The following FARP1 variants were observed in gnomAD, a reference collection of about 807,000 sequenced individuals.
FARP1 encodes FERM, ARH/RhoGEF and pleckstrin domain protein 1.
FARP1 carries 52 observed loss-of-function variants against 128.8 expected under a neutral mutation model. The observed-to-expected ratio is 0.40, with a 90% confidence interval of 0.32 to 0.51. The LOEUF (loss-of-function observed/expected upper bound fraction) is 0.51, where lower values mean the gene tolerates loss of function less well. Among genes scored for constraint, FARP1 ranks in the 20% least tolerant of loss-of-function variants. FARP1 has a pLI of 0.45. For missense variants in FARP1, 1,333 were observed against 1,367.9 expected (o/e 0.97, Z 0.40); for synonymous variants, 580 against 551.8 (o/e 1.05, Z -0.72).
chr13:98,171,079 ATAAGCTATTC>A (rs1283167305), intron 1 of FARP1, among the ~76,000 whole-genome samples: 1 of 152,216 alleles, frequency 6.6e-6, no homozygotes, highest in Non-Finnish European at 1.5e-5. Flanking sequence ...ATAAACCTGG[ATAAGCTATTC>A]TGGAAGCAGG....
chr13:98,363,052 C>T (rs1477047322), intron 3 of FARP1, among the ~76,000 whole-genome samples: 1 of 152,244 alleles, frequency 6.6e-6, no homozygotes, highest in African/African-American at 2.4e-5. Flanking sequence ...CTTGCTCCTT[C>T]TAACCTGTTC....
intron 19 of FARP1, among the ~76,000 whole-genome samples, chr13:98,437,576 G>A (rs1337440823): frequency 4.6e-5 from 7 of 152,196 alleles, no homozygotes; most frequent in Admixed American, 4.6e-4. Flanking sequence ...GGAGGGCTTC[G>A]TGCAGGGTGA....
chr13:98,149,707 G>A lies in FARP1; in HGVS notation c.-24+6215G>A, dbSNP rs1875837029. ...ATTGACCATTTATATATCTTCTTTT[G>A]TGAGTGTCTGTTAGATATTTACTTT... is the stretch of plus-strand genomic sequence containing the variant. On this transcript the variant is annotated intron_variant, in intron 1 of 26. Transcript: ENST00000319562. 6.8e-5 allele frequency among the ~76,000 whole-genome samples: 9 copies of A among 131,496 alleles called. No homozygotes were observed. In the South Asian group the frequency reaches 2.3e-3, roughly 34 times the overall value. 86.3% of individuals were successfully genotyped at this position (131,496 alleles called of 152,430 possible).
At chr13:98,155,527 CTTAT>C (rs1876443232) in intron 1 of FARP1, among the ~76,000 whole-genome samples, 1 of 151,794 alleles carries the variant, frequency 6.6e-6, no homozygotes, top group Non-Finnish European at 1.5e-5. Flanking sequence ...TTTAATTTTA[CTTAT>C]TTATTTTTGA....
At chr13:98,208,210 G>A (rs1880412806) in intron 1 of FARP1, among the ~76,000 whole-genome samples, 1 of 151,910 alleles carries the variant, frequency 6.6e-6, no homozygotes, top group Non-Finnish European at 1.5e-5. Context: ...AAAAGAAGGG[G>A]CCAGCGTGGT....
intron 2 of FARP1, among the ~76,000 whole-genome samples, chr13:98,324,390 T>A (rs1366622830): frequency 6.6e-6 from 1 of 152,186 alleles, no homozygotes; most frequent in Non-Finnish European, 1.5e-5. Context: ...ATCTATTTTG[T>A]ATTGGGTAAC....
chr13:98,248,753 C>T (rs572525586), intron 2 of FARP1, among the ~76,000 whole-genome samples: 93 of 151,796 alleles, frequency 6.1e-4, no homozygotes, highest in South Asian at 1.9e-3. Flanking sequence ...TCAGCTCTCG[C>T]GCTGGAAACA....
rs1471743361 is a variant in FARP1 at position 98,289,577 on chromosome 13, A to G, written c.172-54185A>G. Among the ~76,000 whole-genome samples, 4 of 152,188 alleles carry G rather than the reference A, an allele frequency of 2.6e-5. No individual in the cohort carries two copies. The East Asian group carries it at 5.8e-4, about 22-fold the overall frequency. On this transcript the variant is annotated intron_variant, in intron 2 of 26. Transcript: ENST00000319562. ...GCTTGACTACGTCTAGATCTCATGC[A>G]AGGCATCCGGGCCAGCCATGAAGGA... is the stretch of plus-strand genomic sequence containing the variant.
chr13:98,359,905 A>G (rs1888794916), intron 3 of FARP1, among the ~76,000 whole-genome samples: 1 of 152,154 alleles, frequency 6.6e-6, no homozygotes, highest in Admixed American at 6.5e-5. Context: ...TCAGAGACAA[A>G]TCGGATTGGA....
intron 6 of FARP1, among the ~76,000 whole-genome samples, chr13:98,382,071 A>T (rs574577582): frequency 4.2e-4 from 64 of 152,134 alleles, no homozygotes; most frequent in African/African-American, 1.5e-3. Flanking sequence ...CAAAATAAAA[A>T]AAAAAAATAG....
Position 98,388,389 on chromosome 13 carries a change from A to G in FARP1, c.766A>G (p.Thr256Ala), listed in dbSNP as rs146232402. The change falls in exon 9 of 27, where the codon ACT becomes GCT. Residue 256 changes from threonine to alanine, a missense_variant. Around this residue, in one of 2 missense-constraint regions of FARP1, gnomAD observed 324 missense variants for 398.1 expected, o/e 0.81. Coordinates refer to ENST00000319562, the MANE Select transcript of FARP1 (RefSeq NM_005766.4). ...CTACTGTCTTTCTTTTTAGGGTTTC[A>G]CTAAGATCAATGCCTTCAACTGGGC... ...NTGILVFQGF[T>A]KINAFNWAKV... 70 of 1,613,238 alleles carry G rather than the reference A, an allele frequency of 4.3e-5. No homozygotes were observed. Among genetic ancestry groups the G allele is most frequent in the Middle Eastern group, 3.3e-4 (2 of 6,062 alleles).
chr13:98,277,149 C>CACACACACACACACACACACACA (rs1566824323), intron 2 of FARP1, among the ~76,000 whole-genome samples: 47 of 113,244 alleles, frequency 4.2e-4, no homozygotes, highest in South Asian at 9.4e-4. Flanking sequence ...CACACACACA[C>CACACACACACACACACACACACA]CCCATATGTA....
chr13:98,328,282 A>T (rs367774488), intron 2 of FARP1: 2 of 152,332 alleles, frequency 1.3e-5, no homozygotes, highest in South Asian at 2.1e-4. Context: ...AACCAGGCTC[A>T]TCAGACCTCC....
intron 3 of FARP1, among the ~76,000 whole-genome samples, chr13:98,352,410 T>C (rs1054757027): frequency 1.3e-5 from 2 of 152,068 alleles, no homozygotes; most frequent in South Asian, 4.1e-4. Context: ...AGACGGGCCA[T>C]CACTCAAGAG....
At chr13:98,337,031 G>C (rs1772454107) in intron 2 of FARP1, among the ~76,000 whole-genome samples, 1 of 152,084 alleles carries the variant, frequency 6.6e-6, no homozygotes, top group Non-Finnish European at 1.5e-5. Context: ...GCCTTAGAGA[G>C]ATCTACCCCC....
chr13:98,146,198 G>T lies in FARP1; in HGVS notation c.-24+2706G>T, dbSNP rs191106580. 8.4e-4 allele frequency among the ~76,000 whole-genome samples: 128 copies of T among 151,974 alleles called. 1 individual carries two copies. The highest frequency in any genetic ancestry group is 8.1e-3 in the Admixed American group (123 of 15,254). ...ATTGTGATTTTCCCAGAGGATAAGA[G>T]AAATTCTGTGGATTTGTAAGTACTG... On this transcript the variant is annotated intron_variant, in intron 1 of 26. Transcript: ENST00000319562.
At chr13:98,373,533 G>GACAGACACACACACACAC (rs1349451618) in intron 5 of FARP1, among the ~76,000 whole-genome samples, 121 of 131,068 alleles carry the variant, frequency 9.2e-4, no homozygotes, top group African/African-American at 2.2e-3. Flanking sequence ...CAGACAGACA[G>GACAGACACACACACACAC]ACACACACAC....
In FARP1 at chr13:98,218,044, C is replaced by T. The variant is rs563376220; in HGVS notation, c.171+4631C>T. On this transcript the variant is annotated intron_variant, in intron 2 of 26. Transcript: ENST00000319562. ...TACCCATCTTCTGGGCACTAAGAGC[C>T]GCCTCCTTTGTGAGATTCGCGGACT... 7.6e-4 allele frequency among the ~76,000 whole-genome samples: 115 copies of T among 152,236 alleles called. 1 individual carries two copies. The highest frequency in any genetic ancestry group is 2.2e-3 in the Admixed American group (34 of 15,284).
chr13:98,259,207 G>T (rs557647868), intron 2 of FARP1, among the ~76,000 whole-genome samples: 1 of 152,250 alleles, frequency 6.6e-6, no homozygotes, highest in Non-Finnish European at 1.5e-5. Flanking sequence ...AACAGAGCAA[G>T]ACCCTGTCTC....
Sources: gnomAD v4.1 joint callset for allele counts (sites outside exome capture counted in the v4.1 genomes callset) on GRCh38, gnomAD v4.1.1 for gene constraint, gnomAD v4.1.1 regional missense constraint, MANE v1.5 for transcripts, NCBI Gene and HGNC (gene_info 2026-07-23, HGNC 2026-07-21) for gene names.